NCAM2: variants seen among roughly 807,000 people sequenced by gnomAD.
The protein encoded by NCAM2 is neural cell adhesion molecule 2, also known as N-CAM-2.
A neutral mutation model predicts 98.1 loss-of-function variants in NCAM2; 30 were observed. The observed-to-expected ratio is 0.31, with a 90% CI of 0.23 to 0.41. The LOEUF (loss-of-function observed/expected upper bound fraction) is 0.41, where lower values mean the gene tolerates loss of function less well. Among genes scored for constraint, NCAM2 ranks in the 10% least tolerant of loss-of-function variants. NCAM2 has a pLI of 1.00. For synonymous variants in NCAM2, 368 were observed against 342.4 expected (o/e 1.07, Z -0.83); for missense variants, 867 against 1,005.8 (o/e 0.86, Z 1.87).
chr21:21,327,249 A>G (rs920170191), intron 6 of NCAM2, among the ~76,000 whole-genome samples: 3 of 140,282 alleles, frequency 2.1e-5, no homozygotes, highest in Non-Finnish European at 4.5e-5. Flanking sequence ...CGGAGGTTGC[A>G]GTGAGCTGAG....
At chr21:21,161,169 A>T (rs1281447248) in intron 1 of NCAM2, among the ~76,000 whole-genome samples, 2 of 152,136 alleles carry the variant, frequency 1.3e-5, no homozygotes, top group East Asian at 3.9e-4. Flanking sequence ...TAACACATGA[A>T]TATTATTTGC....
chr21:21,475,204 T>G (rs979765289), intron 14 of NCAM2, among the ~76,000 whole-genome samples: 1 of 152,038 alleles, frequency 6.6e-6, no homozygotes, highest in African/African-American at 2.4e-5. Context: ...TTAACTCAAT[T>G]AGGACAAATG....
intron 8 of NCAM2, among the ~76,000 whole-genome samples, chr21:21,357,563 A>G (rs1308102770): frequency 1.3e-5 from 2 of 152,152 alleles, no homozygotes. Flanking sequence ...AAAAACTAAA[A>G]TATAAAAAAG....
intron 1 of NCAM2, among the ~76,000 whole-genome samples, chr21:21,165,848 C>T (rs2067934697): frequency 6.6e-6 from 1 of 152,128 alleles, no homozygotes; most frequent in Non-Finnish European, 1.5e-5. Flanking sequence ...CATTACAATT[C>T]ATTATCTCTG....
intron 12 of NCAM2, among the ~76,000 whole-genome samples, chr21:21,452,999 A>AT (rs1325754087): frequency 4.2e-3 from 389 of 92,126 alleles, no homozygotes; most frequent in Admixed American, 6.2e-3. Flanking sequence ...TATATTATAT[A>AT]ATATATAATA....
intron 1 of NCAM2, among the ~76,000 whole-genome samples, chr21:21,220,255 T>C (rs2070089977): frequency 6.6e-6 from 1 of 152,226 alleles, no homozygotes; most frequent in Non-Finnish European, 1.5e-5. Flanking sequence ...CAGCAACTTC[T>C]AGTCCTGCAA....
chr21:21,117,639 A>C (rs2066590940), intron 1 of NCAM2, among the ~76,000 whole-genome samples: 1 of 152,190 alleles, frequency 6.6e-6, no homozygotes. Context: ...AAATAAGCCA[A>C]TATTATTCTT....
intron 1 of NCAM2, among the ~76,000 whole-genome samples, chr21:20,999,229 T>A (rs2146090907): frequency 6.6e-6 from 1 of 152,296 alleles, no homozygotes; most frequent in South Asian, 2.1e-4. Context: ...GTTGCAGTCA[T>A]TCATTTTGAC....
intron 5 of NCAM2, among the ~76,000 whole-genome samples, chr21:21,292,575 A>AT: frequency 6.6e-6 from 1 of 151,640 alleles, no homozygotes; most frequent in South Asian, 2.1e-4. Context: ...TACATGAATT[A>AT]TTTTTGCTTA....
Position 21,171,980 on chromosome 21 carries a change from A to C in NCAM2, c.56-108598A>C, listed in dbSNP as rs1032038451. ...TGTTTTAAAAAGCCTAATCACTGTA[A>C]GCAAAATAAATAAATTTTATGTCTT... On this transcript the variant is annotated intron_variant, in intron 1 of 17. Transcript: ENST00000400546. Among the ~76,000 whole-genome samples, 9 of 152,184 alleles carry C rather than the reference A, an allele frequency of 5.9e-5. 1 individual carries two copies. Among genetic ancestry groups the C allele is most frequent in the African/African-American group, 9.6e-5 (4 of 41,464 alleles).
At chr21:21,236,484 A>C (rs1353006034) in intron 1 of NCAM2, among the ~76,000 whole-genome samples, 1 of 151,986 alleles carries the variant, frequency 6.6e-6, no homozygotes, top group African/African-American at 2.4e-5. Flanking sequence ...TTTTATGGTG[A>C]TTTGTGCAGT....
chr21:21,190,352 T>C (rs1393442558), intron 1 of NCAM2, among the ~76,000 whole-genome samples: 1 of 152,212 alleles, frequency 6.6e-6, no homozygotes, highest in Non-Finnish European at 1.5e-5. Flanking sequence ...GCATTACCAA[T>C]CAAGTAAGAT....
intron 1 of NCAM2, among the ~76,000 whole-genome samples, chr21:21,215,961 T>C (rs73896607): frequency 0.016 from 2,429 of 152,274 alleles, 69 homozygotes; most frequent in African/African-American, 0.056. Flanking sequence ...ATTCGAATGC[T>C]GATAAAATAT....
At chr21:21,284,720 T>TC (rs2073044701) in intron 3 of NCAM2, among the ~76,000 whole-genome samples, 2 of 151,744 alleles carry the variant, frequency 1.3e-5, no homozygotes. Context: ...ATTTTTTTTT[T>TC]CACTGTAAAA....
intron 1 of NCAM2, among the ~76,000 whole-genome samples, chr21:21,111,632 A>C (rs138100317): frequency 1.4e-3 from 219 of 152,336 alleles, no homozygotes; most frequent in African/African-American, 5.1e-3. Flanking sequence ...AACGAGAAGA[A>C]AGCACAGTAG....
intron 1 of NCAM2, among the ~76,000 whole-genome samples, chr21:21,112,003 T>TAA (rs1418967909): frequency 2.0e-5 from 3 of 152,224 alleles, no homozygotes; most frequent in South Asian, 4.1e-4. Flanking sequence ...ATTATTGCAT[T>TAA]AAAGCCTGTG....
intron 11 of NCAM2, among the ~76,000 whole-genome samples, chr21:21,426,275 AATAG>A (rs1305896899): frequency 1.3e-5 from 2 of 152,314 alleles, no homozygotes; most frequent in East Asian, 3.9e-4. Context: ...TCAAAACAGA[AATAG>A]ATAGAACCTA....
intron 12 of NCAM2, 87 bp downstream of exon 12, chr21:21,432,368 A>C: frequency 8.2e-7 from 1 of 1,218,240 alleles, no homozygotes; most frequent in Non-Finnish European, 1.1e-6. Flanking sequence ...TTCCTCCAAC[A>C]TTTTCTTTTC....
At chr21:21,505,701 A>G (rs1295201162) in intron 15 of NCAM2, among the ~76,000 whole-genome samples, 2 of 152,024 alleles carry the variant, frequency 1.3e-5, no homozygotes, top group African/African-American at 2.4e-5. Flanking sequence ...GAATAGTTTA[A>G]TGTTTAACAT....
Sources: gnomAD v4.1 joint callset for allele counts (sites outside exome capture counted in the v4.1 genomes callset) on GRCh38, gnomAD v4.1.1 for gene constraint, MANE v1.5 for transcripts, NCBI Gene and HGNC (gene_info 2026-07-23, HGNC 2026-07-21) for gene names.